The following FSIP2 variants were observed in gnomAD, a reference collection of about 807,000 sequenced individuals.
FSIP2 encodes fibrous sheath-interacting protein 2.
FSIP2 carries 367 observed loss-of-function variants against 510.5 expected under a neutral mutation model. That is an observed-to-expected ratio of 0.72 (90% CI 0.66 to 0.78). The LOEUF (loss-of-function observed/expected upper bound fraction) is 0.78, where lower values mean the gene tolerates loss of function less well. FSIP2 is among the 30% of genes least tolerant of loss of function. FSIP2 has a pLI of 0.00. For synonymous variants in FSIP2, 2,601 were observed against 2,732.2 expected, an observed-to-expected ratio of 0.95 and a Z score of 1.50; for missense variants, 7,594 against 7,901.7, an observed-to-expected ratio of 0.96 and a Z score of 1.48.
intron 13 of FSIP2, among the ~76,000 whole-genome samples, chr2:185,774,990 AT>A (rs1415667767): frequency 1.5e-5 from 1 of 68,026 alleles, no homozygotes; most frequent in Non-Finnish European, 3.0e-5. Flanking sequence ...ATTGTTGGAC[AT>A]TTGGGTTGGT....
intron 19 of FSIP2, 91 bp from the exon 20 acceptor site, chr2:185,824,343 C>A: frequency 1.2e-6 from 1 of 820,522 alleles, no homozygotes; most frequent in Non-Finnish European, 2.0e-6. Flanking sequence ...AGGTTTCTTT[C>A]CATATGGAGA....
chr2:185,805,158 T>G lies in FSIP2; in HGVS notation c.15852T>G (p.Leu5284=), dbSNP rs775870273. 1.6e-5 allele frequency: 26 copies of G among 1,610,034 alleles called. No homozygotes were observed. Among genetic ancestry groups the G allele is most frequent in the Non-Finnish European group, 2.2e-5 (26 of 1,177,774 alleles). The change falls in exon 17 of 23, where the codon CTT becomes CTG. Residue 5284 remains leucine (L), a synonymous_variant. Transcript: ENST00000424728. ...ATFLEDIIID[L]VHKFCSLLII... is the part of the protein sequence containing the mutation. Reference sequence around the variant, plus strand: ...TTTTGGAAGACATAATCATTGACCTTGTTCACAAATTTTGTTCTCTCCTCA... The same window carrying G: ...TTTTGGAAGACATAATCATTGACCTGGTTCACAAATTTTGTTCTCTCCTCA...
rs1559028509 is a variant in FSIP2 at position 185,794,231 on chromosome 2, T to TGAC, written c.7096_7098dup (p.Asp2366dup). 1 of 1,534,414 alleles carries TGAC rather than the reference T, an allele frequency of 6.5e-7. No homozygotes were observed. Among genetic ancestry groups the TGAC allele is most frequent in the South Asian group, 1.2e-5 (1 of 83,966 alleles). On this transcript the variant is annotated inframe_insertion, in exon 16 of 23. Coordinates refer to ENST00000424728, the MANE Select transcript of FSIP2 (RefSeq NM_173651.4). The stretch of plus-strand genomic sequence containing the variant: ...GTGCCATTTTGAAGCTTATTAAAAA[T>TGAC]GACTTAGACTTAGAAATTCAAAAGA...
rs900003193 is a variant in FSIP2 at position 185,792,241 on chromosome 2, G to C, written c.5105G>C (p.Gly1702Ala). Residue 1702 changes from glycine to alanine, a missense_variant, in exon 16 of 23, where the codon GGG becomes GCG. Gly to Ala is a moderately conservative substitution (Grantham distance 60). Transcript: ENST00000424728. Reference sequence around the variant, plus strand: ...ATGTTTAATGAAATGGAATCTGAAGGGGGAGGCATTGAAACTTATCGATAC... The same window carrying C: ...ATGTTTAATGAAATGGAATCTGAAGCGGGAGGCATTGAAACTTATCGATAC... ...SDMFNEMESE[G>A]GGIETYRYRP... The C allele has an allele frequency of 1.3e-6, 2 of 1,532,966 alleles. No individual in the cohort carries two copies. Among genetic ancestry groups the C allele is most frequent in the African/African-American group, 1.4e-5 (1 of 72,758 alleles). 95.0% of individuals were successfully genotyped at this position (1,532,966 alleles called of 1,614,324 possible). A position where few individuals can be genotyped will look rare whatever the true frequency, so the allele number is the denominator to read the frequency against.
chr2:185,739,022 CCCTCTGG>C, intron 1 of FSIP2, 29 bp downstream of exon 1: 1 of 1,523,934 alleles, frequency 6.6e-7, no homozygotes, highest in South Asian at 1.2e-5. Flanking sequence ...GGCGGCGTCG[CCCTCTGG>C]CGGCCGCAGG....
At position 185,782,698 on chromosome 2, in the gene FSIP2, TA is replaced by T; in HGVS notation, c.1412-4del. On this transcript the variant is annotated splice_region_variant and splice_polypyrimidine_tract_variant and intron_variant, in intron 13 of 22. Coordinates refer to ENST00000424728, the MANE Select transcript of FSIP2 (RefSeq NM_173651.4). ...AAACTATGTAATTTTATTTTTCTGA[TA>T]AATAGGACCTCAGGCTCATGCTACA... 1 of 1,500,634 alleles carries T rather than the reference TA, an allele frequency of 6.7e-7. No individual in the cohort carries two copies. Among genetic ancestry groups the T allele is most frequent in the Non-Finnish European group, 9.0e-7 (1 of 1,114,542 alleles). 93.0% of individuals were successfully genotyped at this position (1,500,634 alleles called of 1,614,324 possible). A position where few individuals can be genotyped will look rare whatever the true frequency, so the allele number is the denominator to read the frequency against.
chr2:185,754,149 T>C (rs1433266497), intron 8 of FSIP2, among the ~76,000 whole-genome samples: 1 of 151,126 alleles, frequency 6.6e-6, no homozygotes, highest in African/African-American at 2.4e-5. Flanking sequence ...ACCACTATTA[T>C]ATACCAACAT....
In FSIP2 at chr2:185,807,130, G is replaced by A. The variant is rs773972527; in HGVS notation, c.17824G>A (p.Gly5942Arg). ...DSIWKNINSN[G>R]ENLARRLTSA... ...TATTTGGAAGAATATAAACAGTAAT[G>A]GAGAAAATTTAGCAAGAAGACTAAC... The change falls in exon 17 of 23, where the codon GGA becomes AGA. Residue 5942 changes from glycine (G) to arginine (R), a missense_variant. Transcript: ENST00000424728. 2 of 1,601,554 alleles carry A rather than the reference G, an allele frequency of 1.2e-6. No homozygotes were observed. The highest frequency in any genetic ancestry group is 2.3e-5 in the South Asian group (2 of 88,482).
rs1239900496 is a variant in FSIP2 at position 185,790,800 on chromosome 2, A to G, written c.3664A>G (p.Thr1222Ala). ...KEAPNKYPLK[T>A]WFDSEKKMKY... Reference sequence around the variant, plus strand: ...AGCACCAAATAAATACCCATTAAAAACATGGTTTGACAGTGAAAAGAAAAT... The same window carrying G: ...AGCACCAAATAAATACCCATTAAAAGCATGGTTTGACAGTGAAAAGAAAAT... The change falls in exon 16 of 23, where the codon ACA becomes GCA. Residue 1222 changes from threonine (T) to alanine (A), a missense_variant. Thr to Ala is a moderately conservative substitution (Grantham distance 58). Transcript: ENST00000424728. 1 of 1,532,564 alleles carries G rather than the reference A, an allele frequency of 6.5e-7. No homozygotes were observed. The highest frequency in any genetic ancestry group is 2.5e-5 in the East Asian group (1 of 40,814). The allele number at this position is 1,532,564 out of a possible 1,614,324, so 94.9% of individuals were successfully genotyped here. A position where few individuals can be genotyped will look rare whatever the true frequency, so the allele number is the denominator to read the frequency against.
intron 17 of FSIP2, among the ~76,000 whole-genome samples, chr2:185,810,353 AGT>A (rs1015459616): frequency 5.9e-5 from 9 of 151,906 alleles, no homozygotes; most frequent in Non-Finnish European, 7.4e-5. Context: ...GTCATTTAAA[AGT>A]GTGTGTCACT....
At chr2:185,785,557 T>C (rs1692952862) in intron 14 of FSIP2, among the ~76,000 whole-genome samples, 1 of 145,418 alleles carries the variant, frequency 6.9e-6, no homozygotes, top group East Asian at 2.1e-4. Context: ...CAGACTTCAG[T>C]TTTAGATTTT....
chr2:185,784,505 A>C, intron 14 of FSIP2, among the ~76,000 whole-genome samples: 1 of 152,132 alleles, frequency 6.6e-6, no homozygotes, highest in East Asian at 1.9e-4. Flanking sequence ...TGGCCTGCAA[A>C]GGCTTCATTT....
Position 185,801,914 on chromosome 2 carries a change from A to G in FSIP2, c.12608A>G (p.Tyr4203Cys), listed in dbSNP as rs540598639. The change falls in exon 17 of 23, where the codon TAT (tyrosine) becomes TGT (cysteine). Residue 4203 changes from tyrosine (Y) to cysteine (C), a missense_variant. Tyr to Cys is a radical substitution (Grantham distance 194). Transcript: ENST00000424728. ...TGGTTCACTATATATGATAATCAATATCTATATACTGGAAAAAACCTCCAA... is the reference window on the plus strand; with the variant it reads ...TGGTTCACTATATATGATAATCAATGTCTATATACTGGAAAAAACCTCCAA... ...KIWFTIYDNQYLYTGKNLQKM... is the reference protein window; with the variant it reads ...KIWFTIYDNQCLYTGKNLQKM... 32 of 1,498,760 alleles carry G rather than the reference A, an allele frequency of 2.1e-5. No individual in the cohort carries two copies. In the South Asian group the frequency reaches 3.8e-4, roughly 18 times the overall value. The allele number at this position is 1,498,760 out of a possible 1,614,324, so 92.8% of individuals were successfully genotyped here. A position where few individuals can be genotyped will look rare whatever the true frequency, so the allele number is the denominator to read the frequency against.
rs1261062058 is a variant in FSIP2, at chr2:185,791,035, A to G, written c.3899A>G (p.Asn1300Ser). 5.2e-6 allele frequency: 8 copies of G among 1,532,164 alleles called. 1 individual carries two copies. Among genetic ancestry groups the G allele is most frequent in the Non-Finnish European group, 5.2e-6 (6 of 1,144,602 alleles). The allele number at this position is 1,532,164 out of a possible 1,614,324, so 94.9% of individuals were successfully genotyped here. The part of the protein sequence containing the change: ...QLSKYTAKIV[N>S]IVLCAIQNEL... Reference sequence around the variant, plus strand: ...AGTAAGTACACAGCTAAAATAGTAAACATTGTTTTATGTGCTATCCAGAAT... The same window carrying G: ...AGTAAGTACACAGCTAAAATAGTAAGCATTGTTTTATGTGCTATCCAGAAT... The change falls in exon 16 of 23, where the codon AAC (asparagine) becomes AGC (serine). Residue 1300 changes from asparagine (N) to serine (S), a missense_variant. By Grantham distance (46) the Asn-to-Ser change is conservative. Transcript: ENST00000424728.
intron 13 of FSIP2, among the ~76,000 whole-genome samples, chr2:185,778,649 T>G (rs1692777280): frequency 6.6e-6 from 1 of 151,968 alleles, no homozygotes; most frequent in Admixed American, 6.6e-5. Context: ...AGAGCATGCT[T>G]TATGGCTTAG....
intron 3 of FSIP2, among the ~76,000 whole-genome samples, chr2:185,744,076 T>G (rs1156817962): frequency 1.3e-5 from 2 of 152,018 alleles, no homozygotes; most frequent in Non-Finnish European, 1.5e-5. Flanking sequence ...GAGATCCTCC[T>G]GCCTCAGCCT....
rs773853107 is a variant in FSIP2 at position 185,809,057 on chromosome 2, C to T, written c.19751C>T (p.Pro6584Leu). The stretch of plus-strand genomic sequence containing the variant: ...GGGAGAAATTACTCCTTAGGATCAC[C>T]TGATTTAGAAAAGAGAAAGACAGAA... ...ISGRNYSLGS[P>L]DLEKRKTERR... The change falls in exon 17 of 23, where the codon CCT becomes CTT. Residue 6584 changes from proline (P) to leucine (L), a missense_variant. Physicochemically the swap from Pro to Leu is moderately conservative, Grantham distance 98. Transcript: ENST00000424728. The T allele has an allele frequency of 6.2e-7, 1 of 1,607,950 alleles. No homozygotes were observed. Among genetic ancestry groups the T allele is most frequent in the Non-Finnish European group, 8.5e-7 (1 of 1,178,022 alleles).
rs1693546342 is a variant in FSIP2 at position 185,805,569 on chromosome 2, C to T, written c.16263C>T (p.His5421=). 1 of 1,610,632 alleles carries T rather than the reference C, an allele frequency of 6.2e-7. No individual in the cohort carries two copies. Among genetic ancestry groups the T allele is most frequent in the Non-Finnish European group, 8.5e-7 (1 of 1,178,246 alleles). ...NPDNITQRVQ[H]LPQNTFTQIS... is the part of the protein sequence containing the mutation. Reference sequence around the variant, plus strand: ...ATAATATCACCCAAAGGGTTCAACACCTACCACAAAACACCTTTACACAAA... The same window carrying T: ...ATAATATCACCCAAAGGGTTCAACATCTACCACAAAACACCTTTACACAAA... Residue 5421 remains histidine, a synonymous_variant, in exon 17 of 23, where the codon CAC becomes CAT. Transcript: ENST00000424728.
At chr2:185,816,894 A>G (rs1282440153) in intron 19 of FSIP2, among the ~76,000 whole-genome samples, 1 of 151,172 alleles carries the variant, frequency 6.6e-6, no homozygotes, top group Non-Finnish European at 1.5e-5. Context: ...CGAAAGAAAG[A>G]GAAAGAAAAG....
Sources: gnomAD v4.1 joint callset for allele counts (sites outside exome capture counted in the v4.1 genomes callset) on GRCh38, gnomAD v4.1.1 for gene constraint, MANE v1.5 for transcripts, NCBI Gene and HGNC (gene_info 2026-07-23, HGNC 2026-07-21) for gene names.